TENM2: variants seen among roughly 807,000 people sequenced by gnomAD.
TENM2 encodes the protein teneurin-2.
TENM2 carries 52 observed loss-of-function variants against 245.2 expected under a neutral mutation model. That is an observed-to-expected ratio of 0.21 (90% confidence interval 0.17 to 0.27). The LOEUF is 0.27. TENM2 is among the 10% of genes least tolerant of loss of function. The pLI is 1.00. For synonymous variants in TENM2, 1,363 were observed against 1,438.9 expected (o/e 0.95, Z 1.19); for missense variants, 3,046 against 3,666.8 (o/e 0.83, Z 4.37).
At chr5:167,568,995 G>A (rs1345355702) in intron 2 of TENM2, among the ~76,000 whole-genome samples, 1 of 150,180 alleles carries the variant, frequency 6.7e-6, no homozygotes, top group East Asian at 2.0e-4. Context: ...TGCATGGAAT[G>A]GGTGGCCTGA....
chr5:167,636,156 C>A (rs1303411400), intron 2 of TENM2, among the ~76,000 whole-genome samples: 1 of 152,114 alleles, frequency 6.6e-6, no homozygotes, highest in African/African-American at 2.4e-5. Flanking sequence ...AGGATTTTCA[C>A]ATATTTAAAA....
chr5:167,552,724 T>C (rs911659317), intron 2 of TENM2, among the ~76,000 whole-genome samples: 1 of 152,200 alleles, frequency 6.6e-6, no homozygotes, highest in Admixed American at 6.5e-5. Context: ...GTGTTGCGTA[T>C]ATGACTGAGA....
intron 13 of TENM2, 29 bp downstream of exon 15, chr5:168,162,786 C>T (rs759567360): frequency 1.2e-6 from 2 of 1,610,758 alleles, no homozygotes; most frequent in South Asian, 1.1e-5. Context: ...ATTCCCAGCC[C>T]CTAAGAGCAG....
chr5:167,867,198 G>A (rs778825657), intron 2 of TENM2, among the ~76,000 whole-genome samples: 3 of 152,206 alleles, frequency 2.0e-5, no homozygotes, highest in Non-Finnish European at 2.9e-5. Context: ...CTGCAAAGAA[G>A]CACTGCATTT....
At chr5:167,324,960 C>T (rs1756997356) in intron 1 of TENM2, among the ~76,000 whole-genome samples, 1 of 152,180 alleles carries the variant, frequency 6.6e-6, no homozygotes. Flanking sequence ...CTGCCTCAGT[C>T]TTACTCAAGT....
intron 2 of TENM2, among the ~76,000 whole-genome samples, chr5:167,586,910 A>G (rs1775539130): frequency 2.0e-5 from 3 of 152,128 alleles, no homozygotes; most frequent in South Asian, 2.1e-4. Flanking sequence ...TTATTTTTCA[A>G]TTTGGAAAGT....
chr5:167,550,397 G>C (rs765313911), intron 2 of TENM2, among the ~76,000 whole-genome samples: 21 of 152,140 alleles, frequency 1.4e-4, no homozygotes, highest in Non-Finnish European at 2.5e-4. Context: ...CAAAATATTA[G>C]TATAAATATT....
intron 5 of TENM2, among the ~76,000 whole-genome samples, chr5:168,038,595 T>C (rs1787909518): frequency 6.6e-6 from 1 of 152,224 alleles, no homozygotes; most frequent in African/African-American, 2.4e-5. Flanking sequence ...GTCAGTACGT[T>C]ACAAAAATGT....
the TENM2 span, among the ~76,000 whole-genome samples, chr5:167,175,092 G>A: frequency 2.6e-5 from 4 of 151,950 alleles, no homozygotes; most frequent in Admixed American, 2.0e-4. Flanking sequence ...AGGCATTGAC[G>A]TCGTTTCTCT....
At chr5:167,124,095 A>G in the TENM2 span, among the ~76,000 whole-genome samples, 3 of 152,326 alleles carry the variant, frequency 2.0e-5, no homozygotes, top group South Asian at 4.1e-4. Flanking sequence ...ATTGCGTTCA[A>G]GTGAGGTGGG....
chr5:167,439,300 T>C (rs369284649), intron 2 of TENM2, among the ~76,000 whole-genome samples: 12 of 152,216 alleles, frequency 7.9e-5, no homozygotes, highest in East Asian at 5.8e-4. Context: ...GGAAAGGAGA[T>C]GGTTTGCTCT....
At chr5:167,057,405 G>C in the TENM2 span, among the ~76,000 whole-genome samples, 51 of 151,938 alleles carry the variant, frequency 3.4e-4, no homozygotes, top group Non-Finnish European at 6.5e-4. Flanking sequence ...GCAACTTTTT[G>C]TTCAAAGATG....
the TENM2 span, among the ~76,000 whole-genome samples, chr5:167,007,392 A>G: frequency 3.9e-5 from 6 of 152,232 alleles, no homozygotes; most frequent in Non-Finnish European, 1.5e-5. This position sits in a 1 kb window ranked among gnomAD's most constrained non-coding sequence, Gnocchi z 4.2. Context: ...TTGATAAAGC[A>G]TATTTAATCT....
intron 2 of TENM2, among the ~76,000 whole-genome samples, chr5:167,536,074 A>C (rs1476227662): frequency 6.6e-6 from 1 of 152,192 alleles, no homozygotes; most frequent in African/African-American, 2.4e-5. Context: ...TACACCATGC[A>C]GAGTGTGAAT....
At chr5:167,781,496 G>A (rs1764183814) in intron 2 of TENM2, among the ~76,000 whole-genome samples, 1 of 152,220 alleles carries the variant, frequency 6.6e-6, no homozygotes, top group African/African-American at 2.4e-5. Context: ...ATTGGAGAGA[G>A]CATTCATTCT....
intron 2 of TENM2, among the ~76,000 whole-genome samples, chr5:167,856,675 A>G (rs1701006084): frequency 6.6e-6 from 1 of 152,204 alleles, no homozygotes; most frequent in Non-Finnish European, 1.5e-5. Flanking sequence ...GACATAAATA[A>G]TCTTCTGTCT....
chr5:167,003,848 C>T, the TENM2 span, among the ~76,000 whole-genome samples: 11 of 152,190 alleles, frequency 7.2e-5, no homozygotes, highest in East Asian at 1.2e-3. Flanking sequence ...TCTTTTCAGA[C>T]GGTTCATTAT....
chr5:167,720,062 C>T (rs926253985), intron 2 of TENM2, among the ~76,000 whole-genome samples: 5 of 152,086 alleles, frequency 3.3e-5, no homozygotes, highest in Non-Finnish European at 7.4e-5. Flanking sequence ...GTCTAATAAA[C>T]AGATTTCTTT....
At chr5:167,430,569 G>T (rs995070432) in intron 2 of TENM2, among the ~76,000 whole-genome samples, 2 of 152,086 alleles carry the variant, frequency 1.3e-5, no homozygotes, top group Non-Finnish European at 2.9e-5. Flanking sequence ...GCTATTCTCC[G>T]CTGGAAGTGC....
Sources: allele counts gnomAD v4.1 joint callset (sites outside exome capture counted in the v4.1 genomes callset), GRCh38; gene constraint gnomAD v4.1.1; non-coding constraint Gnocchi (gnomAD v3.1); transcripts MANE v1.5; gene names NCBI Gene and HGNC (gene_info 2026-07-23, HGNC 2026-07-21).